MYO9A: variants seen among roughly 807,000 people sequenced by gnomAD.
The protein encoded by MYO9A is unconventional myosin-IXa.
In MYO9A, 103 loss-of-function variants were observed where a neutral mutation model predicts 293.3. The observed-to-expected ratio is 0.35, with a 90% confidence interval of 0.30 to 0.41. The LOEUF is 0.41. Among genes scored for constraint, MYO9A ranks in the 10% least tolerant of loss-of-function variants. MYO9A has a pLI of 1.00. For missense variants in MYO9A, 2,685 were observed against 3,033.0 expected (o/e 0.89, Z 2.69); for synonymous variants, 1,001 against 1,035.7 (o/e 0.97, Z 0.64).
Position 71,991,205 on chromosome 15 carries a change from C to T in MYO9A, c.1620G>A (p.Gly540=). ...TLSIGVLDIF[G]FEDYENNSFE... is the part of the protein sequence containing the mutation. ...AGCTGTTATTTTCATAATCTTCAAA[C>T]CCAAAAATATCAAGAACACCAATAG... The change falls in exon 11 of 42, where the codon GGG becomes GGA. Residue 540 remains glycine (G), a synonymous_variant. Coordinates refer to ENST00000356056, the MANE Select transcript of MYO9A (RefSeq NM_006901.4). 4 of 1,605,392 alleles carry T rather than the reference C, an allele frequency of 2.5e-6. 1 individual carries two copies. The South Asian group carries it at 3.4e-5, about 14-fold the overall frequency.
chr15:71,873,311 T>C (rs2056579456), intron 32 of MYO9A, among the ~76,000 whole-genome samples: 1 of 152,220 alleles, frequency 6.6e-6, no homozygotes. Flanking sequence ...ATGTATCTAA[T>C]TTATTTAATC....
intron 11 of MYO9A, among the ~76,000 whole-genome samples, chr15:71,985,852 G>C (rs1431924859): frequency 6.6e-6 from 1 of 152,126 alleles, no homozygotes; most frequent in African/African-American, 2.4e-5. Flanking sequence ...CAAGTAAAAT[G>C]GATGAAACAA....
intron 1 of MYO9A, among the ~76,000 whole-genome samples, chr15:72,085,516 T>G (rs1002106392): frequency 6.6e-6 from 1 of 152,188 alleles, no homozygotes; most frequent in African/African-American, 2.4e-5. Context: ...ATCTGTCAGC[T>G]CCTGTATTAT....
chr15:72,074,951 CTTTTTTTTTTTTTTT>C (rs750462703), intron 1 of MYO9A, among the ~76,000 whole-genome samples: 1 of 53,110 alleles, frequency 1.9e-5, no homozygotes, highest in Non-Finnish European at 3.2e-5. Flanking sequence ...TTTTCACTGC[CTTTTTTTTTTTTTTT>C]TTTTTTTTTT....
Position 71,903,938 on chromosome 15 carries a change from A to C in MYO9A, c.2868T>G (p.Tyr956Ter). The C allele has an allele frequency of 6.2e-7, 1 of 1,613,630 alleles. No individual in the cohort carries two copies. The highest frequency in any genetic ancestry group is 8.5e-7 in the Non-Finnish European group (1 of 1,179,726). The stretch of plus-strand genomic sequence containing the variant: ...ACTATAAAAACAGAACCTGGAAAGA[A>C]TATTTGGAGCTGTATCCTGATTGGC... Reference protein sequence around the residue: ...RIRQSGYSSKYSFQDFVSHFH... With the variant: ...RIRQSGYSSK Residue 956 changes from tyrosine (Y) to a stop codon, truncating the protein, a stop_gained, in exon 21 of 42, where the codon TAT becomes TAG. Transcript: ENST00000356056. LOFTEE classifies it high-confidence loss of function.
intron 1 of MYO9A, among the ~76,000 whole-genome samples, chr15:72,116,307 G>A (rs1223036953): frequency 6.6e-6 from 1 of 152,124 alleles, no homozygotes. Context: ...GTGTGTGTAT[G>A]ACTACAAAGA....
intron 3 of MYO9A, among the ~76,000 whole-genome samples, chr15:72,029,617 T>C (rs531069813): frequency 6.6e-5 from 10 of 152,300 alleles, no homozygotes; most frequent in Admixed American, 4.6e-4. Context: ...TAGAGAATGA[T>C]ATAGGTGGAC....
intron 19 of MYO9A, among the ~76,000 whole-genome samples, chr15:71,911,621 A>T (rs1335689567): frequency 6.6e-6 from 1 of 152,218 alleles, no homozygotes; most frequent in East Asian, 1.9e-4. Context: ...ATATTAGGAG[A>T]AAGCCACAAA....
In MYO9A at chr15:72,024,534, A is replaced by G. The variant is rs529423905; in HGVS notation, c.998+3197T>C. Among the ~76,000 whole-genome samples the G allele has an allele frequency of 8.5e-5, 13 of 152,242 alleles. No homozygotes were observed. The South Asian group carries it at 2.7e-3, about 32-fold the overall frequency. ...TGATCTGCCCACCTTGGCTTCCCCA[A>G]AGTGCTGGGATTACAGGCAGGAGCC... On this transcript the variant is annotated intron_variant, in intron 4 of 41. Transcript: ENST00000356056.
At chr15:71,852,460 T>G (rs2055694536) in intron 35 of MYO9A, 200 bp from the exon 36 acceptor site, 1 of 339,856 alleles carries the variant, frequency 2.9e-6, no homozygotes, top group Non-Finnish European at 5.2e-6. Flanking sequence ...GCCTCCCGAG[T>G]TCAAGTGATT....
At chr15:71,857,934 A>G (rs2055929862) in intron 34 of MYO9A, among the ~76,000 whole-genome samples, 1 of 152,296 alleles carries the variant, frequency 6.6e-6, no homozygotes, top group African/African-American at 2.4e-5. Context: ...ACCCCACCAA[A>G]AAGTGGGCAA....
At chr15:71,997,451 T>C (rs1466836308) in intron 9 of MYO9A, among the ~76,000 whole-genome samples, 1 of 151,856 alleles carries the variant, frequency 6.6e-6, no homozygotes, top group East Asian at 1.9e-4. Flanking sequence ...ATACCAAAAA[T>C]TAGCTGGGCA....
chr15:71,873,837 T>C (rs1473646553), intron 32 of MYO9A, among the ~76,000 whole-genome samples: 3 of 152,246 alleles, frequency 2.0e-5, no homozygotes, highest in Non-Finnish European at 4.4e-5. Flanking sequence ...GAATAACTAA[T>C]CTTTTAAGGC....
At chr15:72,107,609 TG>T (rs2080617566) in intron 1 of MYO9A, among the ~76,000 whole-genome samples, 1 of 151,850 alleles carries the variant, frequency 6.6e-6, no homozygotes, top group Non-Finnish European at 1.5e-5. Flanking sequence ...AATCCTCCAC[TG>T]TAAGAAGACA....
intron 4 of MYO9A, among the ~76,000 whole-genome samples, chr15:72,025,346 C>CA (rs952892397): frequency 6.6e-6 from 1 of 151,786 alleles, no homozygotes; most frequent in Non-Finnish European, 1.5e-5. Flanking sequence ...GAACAGAGCC[C>CA]AAAAAAACAT....
intron 27 of MYO9A, among the ~76,000 whole-genome samples, chr15:71,885,233 G>A (rs2056985372): frequency 6.6e-6 from 1 of 151,818 alleles, no homozygotes; most frequent in Admixed American, 6.6e-5. Context: ...GCCCCCAAAA[G>A]AATTATACTG....
intron 10 of MYO9A, among the ~76,000 whole-genome samples, chr15:71,992,856 C>T (rs930807392): frequency 1.3e-5 from 2 of 151,360 alleles, no homozygotes; most frequent in African/African-American, 4.8e-5. Flanking sequence ...CTAGAAGAGG[C>T]CTTCCTCTGT....
intron 18 of MYO9A, among the ~76,000 whole-genome samples, chr15:71,929,476 AT>A (rs1170223120): frequency 1.1e-4 from 16 of 152,136 alleles, no homozygotes; most frequent in African/African-American, 3.9e-4. Context: ...TCTATACCTA[AT>A]TCGTTGAGCT....
intron 18 of MYO9A, among the ~76,000 whole-genome samples, chr15:71,920,883 G>T (rs920925597): frequency 3.9e-5 from 6 of 152,068 alleles, no homozygotes; most frequent in African/African-American, 9.7e-5. Flanking sequence ...AGAGGCAAGC[G>T]GTCAGCAAAA....
Sources: gnomAD v4.1 joint callset for allele counts (sites outside exome capture counted in the v4.1 genomes callset) on GRCh38, gnomAD v4.1.1 for gene constraint, MANE v1.5 for transcripts, NCBI Gene and HGNC (gene_info 2026-07-23, HGNC 2026-07-21) for gene names.